SOST: variants seen among roughly 807,000 people sequenced by gnomAD.
SOST encodes the protein sclerosteosis.
In SOST, 14 loss-of-function variants were observed where a neutral mutation model predicts 16.7. That is an observed-to-expected ratio of 0.84 (90% CI 0.55 to 1.31). SOST has a LOEUF of 1.31. SOST is among the 50% of genes most tolerant of loss of function. The pLI is 0.00. For missense variants in SOST, 291 were observed against 310.7 expected, an observed-to-expected ratio of 0.94 and a Z score of 0.48; for synonymous variants, 150 against 140.9, an observed-to-expected ratio of 1.06 and a Z score of -0.46.
In SOST at chr17:43,755,080, GC is replaced by G. The variant is rs1393466839; in HGVS notation, c.*261del. The G allele has an allele frequency of 2.2e-6, 1 of 459,286 alleles. No individual in the cohort carries two copies. Among genetic ancestry groups the G allele is most frequent in the East Asian group, 3.6e-5 (1 of 27,656 alleles). 28.5% of individuals were successfully genotyped at this position (459,286 alleles called of 1,614,324 possible). On this transcript the variant is annotated 3_prime_UTR_variant, in exon 2 of 2. Coordinates refer to ENST00000301691, the MANE Select transcript of SOST (RefSeq NM_025237.3). The surrounding 1 kb of genome is among the most constrained non-coding windows in gnomAD (Gnocchi z 4.3). Reference sequence around the variant, plus strand: ...GAAGTGGGACCAGCAAAGGTAGGCGGCCCCAGAGGCGGGGCTGCGTGGCTCA... The same window carrying G: ...GAAGTGGGACCAGCAAAGGTAGGCGGCCCAGAGGCGGGGCTGCGTGGCTCA...
rs201150181 is a variant in SOST, at chr17:43,758,640, C to G, written c.102G>C (p.Thr34=). The stretch of plus-strand genomic sequence containing the variant: ...ACTCTCCGAGCTCGGGGATGATTTC[C>G]GTGGCATCATTCTTGAACGCCTGCC... ...QGWQAFKNDA[T]EIIPELGEYP... Residue 34 remains threonine, a synonymous_variant, in exon 1 of 2, where the codon ACG becomes ACC. Transcript: ENST00000301691. The G allele has an allele frequency of 1.2e-6, 2 of 1,614,136 alleles. No homozygotes were observed. The highest frequency in any genetic ancestry group is 1.7e-6 in the Non-Finnish European group (2 of 1,180,008).
Position 43,753,990 on chromosome 17 carries a change from A to C in SOST, c.*1352T>G, listed in dbSNP as rs1475771145. 6.7e-6 allele frequency: 1 copy of C among 149,706 alleles called. No homozygotes were observed. Among genetic ancestry groups the C allele is most frequent in the Admixed American group, 6.6e-5 (1 of 15,248 alleles). 9.3% of individuals were successfully genotyped at this position (149,706 alleles called of 1,614,324 possible). On this transcript the variant is annotated 3_prime_UTR_variant, in exon 2 of 2. Coordinates refer to ENST00000301691, the MANE Select transcript of SOST (RefSeq NM_025237.3). ...TTCATATGTCATGTGCTTCTGTTTA[A>C]AACTTTTTTTTTTTAACAATTAAAA...
intron 1 of SOST, among the ~76,000 whole-genome samples, chr17:43,757,879 G>A (rs1974147885): frequency 6.6e-6 from 1 of 152,186 alleles, no homozygotes; most frequent in Non-Finnish European, 1.5e-5. Flanking sequence ...GTGCCTCTCT[G>A]GCCTTCCTCC....
intron 1 of SOST, among the ~76,000 whole-genome samples, chr17:43,758,005 T>C (rs909398072): frequency 9.2e-5 from 14 of 152,202 alleles, no homozygotes; most frequent in Middle Eastern, 3.2e-3. Flanking sequence ...ACTGAGTGCC[T>C]GGAACCTGTT....
chr17:43,754,386 G>C lies in SOST; in HGVS notation c.*956C>G, dbSNP rs1001975810. 1 of 152,014 alleles carries C rather than the reference G, an allele frequency of 6.6e-6. No individual in the cohort carries two copies. Among genetic ancestry groups the C allele is most frequent in the African/African-American group, 2.4e-5 (1 of 41,350 alleles). The allele number at this position is 152,014 out of a possible 1,614,324, so 9.4% of individuals were successfully genotyped here. On this transcript the variant is annotated 3_prime_UTR_variant, in exon 2 of 2. Coordinates refer to ENST00000301691, the MANE Select transcript of SOST (RefSeq NM_025237.3). ...ATGCTGCTCTTTGGGAAGTTGGGGC[G>C]GATGTGATTTCTATCCCTCCCACCA...
chr17:43,758,535 G>A lies in SOST; in HGVS notation c.207C>T (p.Pro69=). The change falls in exon 1 of 2, where the codon CCC becomes CCT. Residue 69 remains proline, a synonymous_variant. Transcript: ENST00000301691. The stretch of plus-strand genomic sequence containing the variant: ...TCCACCCCATACCTTTGGTCTCAAA[G>A]GGGTGGTGGGGAGGCCGCCCTCCGT... ...AENGGRPPHH[P]FETKDVSEYS... The A allele has an allele frequency of 1.2e-6, 2 of 1,613,734 alleles. No individual in the cohort carries two copies. Among genetic ancestry groups the A allele is most frequent in the Non-Finnish European group, 1.7e-6 (2 of 1,179,774 alleles).
In SOST at chr17:43,755,617, T is replaced by G. The variant is rs1419851479; in HGVS notation, c.367A>C (p.Lys123Gln). 1 of 1,584,694 alleles carries G rather than the reference T, an allele frequency of 6.3e-7. No homozygotes were observed. Among genetic ancestry groups the G allele is most frequent in the East Asian group, 2.3e-5 (1 of 43,386 alleles). ...TCGGGCCCACTAGGTCGCCACCACT[T>G]GCCGCGGCCGATGGCGTTGGGCAGC... ...RLLPNAIGRG[K>Q]WWRPSGPDFR... The change falls in exon 2 of 2, where the codon AAG (lysine) becomes CAG (glutamine). Residue 123 changes from lysine (K) to glutamine (Q), a missense_variant. Coordinates refer to ENST00000301691, the MANE Select transcript of SOST (RefSeq NM_025237.3). This position sits in a 1 kb window ranked among gnomAD's most constrained non-coding sequence, Gnocchi z 4.3.
In SOST at chr17:43,758,689, A is replaced by T; in HGVS notation, c.53T>A (p.Phe18Tyr). 6.2e-7 allele frequency: 1 copy of T among 1,614,108 alleles called. No homozygotes were observed. The highest frequency in any genetic ancestry group is 8.5e-7 in the Non-Finnish European group (1 of 1,180,040). Residue 18 changes from phenylalanine (F) to tyrosine (Y), a missense_variant, in exon 1 of 2, where the codon TTC becomes TAC. Phe to Tyr is a conservative substitution (Grantham distance 22, BLOSUM62 3). Transcript: ENST00000301691. ...CCACCCCTGGCCCTCCACTACACGG[A>T]AGGCTGTGTGTACCAGCAGGCAGAC... ...CLVCLLVHTA[F>Y]RVVEGQGWQA...
At position 43,755,284 on chromosome 17, in the gene SOST, T is replaced by C; in HGVS notation, c.*58A>G. Reference sequence around the variant, plus strand: ...TCAAACCACGCGCAGAGGACAGAAATGTGGGGCGCGGGTTCAGGGCCGGGG... The same window carrying C: ...TCAAACCACGCGCAGAGGACAGAAACGTGGGGCGCGGGTTCAGGGCCGGGG... On this transcript the variant is annotated 3_prime_UTR_variant, in exon 2 of 2. Transcript: ENST00000301691. The surrounding 1 kb of genome is among the most constrained non-coding windows in gnomAD (Gnocchi z 4.3). 7.0e-7 allele frequency: 1 copy of C among 1,426,412 alleles called. No homozygotes were observed. Among genetic ancestry groups the C allele is most frequent in the Non-Finnish European group, 9.2e-7 (1 of 1,082,576 alleles). The allele number at this position is 1,426,412 out of a possible 1,614,324, so 88.4% of individuals were successfully genotyped here.
chr17:43,758,409 G>T, intron 1 of SOST, 113 bp downstream of exon 1: 1 of 850,492 alleles, frequency 1.2e-6, no homozygotes, highest in African/African-American at 1.7e-5. Context: ...ACCAGTGCTG[G>T]CAGAGGCCAG....
Position 43,755,434 on chromosome 17 carries a change from T to A in SOST, c.550A>T (p.Thr184Ser). The A allele has an allele frequency of 6.3e-7, 1 of 1,595,270 alleles. No homozygotes were observed. Among genetic ancestry groups the A allele is most frequent in the Admixed American group, 1.7e-5 (1 of 59,854 alleles). ...CCCTTCTGCGGCCGAGCGGCCTCGG[T>A]CCCGAAGTCCTTGAGCTCCGACTGG... ...HNQSELKDFG[T>S]EAARPQKGRK... Residue 184 changes from threonine (T) to serine (S), a missense_variant, in exon 2 of 2, where the codon ACC (threonine) becomes TCC (serine). Coordinates refer to ENST00000301691, the MANE Select transcript of SOST (RefSeq NM_025237.3). This position sits in a 1 kb window ranked among gnomAD's most constrained non-coding sequence, Gnocchi z 4.3.
Position 43,755,669 on chromosome 17 carries a change from G to T in SOST, c.315C>A (p.Cys105Ter). 1 of 1,570,378 alleles carries T rather than the reference G, an allele frequency of 6.4e-7. No individual in the cohort carries two copies. Reference protein sequence around the residue: ...RSAKPVTELVCSGQCGPARLL... With the variant: ...RSAKPVTELV ...GGCGCGCCGGGCCGCACTGGCCGGA[G>T]CACACCAGCTCGGTGACCGGCTTGG... is the stretch of plus-strand genomic sequence containing the variant. The change falls in exon 2 of 2, where the codon TGC (cysteine) becomes TGA (stop). Residue 105 changes from cysteine to a stop codon, truncating the protein, a stop_gained. Coordinates refer to ENST00000301691, the MANE Select transcript of SOST (RefSeq NM_025237.3). LOFTEE classifies it high-confidence loss of function. This position sits in a 1 kb window ranked among gnomAD's most constrained non-coding sequence, Gnocchi z 4.3.
rs184175301 is a variant in SOST at position 43,754,958 on chromosome 17, T to C, written c.*384A>G. The stretch of plus-strand genomic sequence containing the variant: ...GGCAGCGAGGTGCAAGGGGGAATCT[T>C]ATCCAACTTTCTTAACCAGTCCCTG... On this transcript the variant is annotated 3_prime_UTR_variant, in exon 2 of 2. Transcript: ENST00000301691. 8.0e-5 allele frequency: 16 copies of C among 201,150 alleles called. No individual in the cohort carries two copies. Among genetic ancestry groups the C allele is most frequent in the Non-Finnish European group, 7.8e-5 (8 of 102,104 alleles). 12.5% of individuals were successfully genotyped at this position (201,150 alleles called of 1,614,324 possible). A position where few individuals can be genotyped will look rare whatever the true frequency, so the allele number is the denominator to read the frequency against.
chr17:43,756,155 T>G (rs1974128788), intron 1 of SOST, among the ~76,000 whole-genome samples: 2 of 152,196 alleles, frequency 1.3e-5, no homozygotes, highest in African/African-American at 4.8e-5. Flanking sequence ...CTGTTATGTA[T>G]TATTATTATC....
Position 43,755,893 on chromosome 17 carries a change from A to C in SOST, c.221-130T>G. 9.2e-7 allele frequency: 1 copy of C among 1,083,750 alleles called. No homozygotes were observed. Among genetic ancestry groups the C allele is most frequent in the Non-Finnish European group, 1.3e-6 (1 of 767,004 alleles). The allele number at this position is 1,083,750 out of a possible 1,614,324, so 67.1% of individuals were successfully genotyped here. On this transcript the variant is annotated intron_variant, in intron 1 of 1. Coordinates refer to ENST00000301691, the MANE Select transcript of SOST (RefSeq NM_025237.3). This position sits in a 1 kb window ranked among gnomAD's most constrained non-coding sequence, Gnocchi z 4.3. Reference sequence around the variant, plus strand: ...CAGAGGCTTTTGCCCCTGAACATCTATTGCAGGAAGGTCCCAGATGCTCTA... The same window carrying C: ...CAGAGGCTTTTGCCCCTGAACATCTCTTGCAGGAAGGTCCCAGATGCTCTA...
chr17:43,757,919 AC>A (rs942829887), intron 1 of SOST, among the ~76,000 whole-genome samples: 1 of 151,134 alleles, frequency 6.6e-6, no homozygotes, highest in Non-Finnish European at 1.5e-5. Flanking sequence ...TGTCCCCCAC[AC>A]CCCCCCACAC....
intron 1 of SOST, among the ~76,000 whole-genome samples, chr17:43,757,135 G>T (rs184726172): frequency 4.5e-4 from 69 of 152,336 alleles, no homozygotes; most frequent in African/African-American, 1.6e-3. Flanking sequence ...GGTCAGGGGG[G>T]CATTTGCCCA....
Position 43,755,700 on chromosome 17 carries a change from C to G in SOST, c.284G>C (p.Arg95Pro). The G allele has an allele frequency of 6.4e-7, 1 of 1,564,392 alleles. No homozygotes were observed. ...FTRYVTDGPC[R>P]SAKPVTELVC... ...CAGCTCGGTGACCGGCTTGGCGCTGCGGCACGGCCCATCGGTCACGTAGCG... is the reference window on the plus strand; with the variant it reads ...CAGCTCGGTGACCGGCTTGGCGCTGGGGCACGGCCCATCGGTCACGTAGCG... Residue 95 changes from arginine to proline, a missense_variant, in exon 2 of 2, where the codon CGC becomes CCC. Transcript: ENST00000301691. This position sits in a 1 kb window ranked among gnomAD's most constrained non-coding sequence, Gnocchi z 4.3.
In SOST at chr17:43,755,636, G is replaced by T. The variant is rs911517040; in HGVS notation, c.348C>A (p.Pro116=). 1.6e-5 allele frequency: 26 copies of T among 1,578,444 alleles called. No individual in the cohort carries two copies. The highest frequency in any genetic ancestry group is 2.2e-5 in the Non-Finnish European group (26 of 1,169,330). The change falls in exon 2 of 2, where the codon CCC becomes CCA. Residue 116 remains proline (P), a synonymous_variant. Coordinates refer to ENST00000301691, the MANE Select transcript of SOST (RefSeq NM_025237.3). The surrounding 1 kb of genome is among the most constrained non-coding windows in gnomAD (Gnocchi z 4.3). The stretch of plus-strand genomic sequence containing the variant: ...ACCACTTGCCGCGGCCGATGGCGTT[G>T]GGCAGCAGGCGCGCCGGGCCGCACT... The part of the protein sequence containing the change: ...SGQCGPARLL[P]NAIGRGKWWR...
Sources: gnomAD v4.1 joint callset for allele counts (sites outside exome capture counted in the v4.1 genomes callset) on GRCh38, gnomAD v4.1.1 for gene constraint, Gnocchi (gnomAD v3.1) non-coding constraint, MANE v1.5 for transcripts, NCBI Gene and HGNC (gene_info 2026-07-23, HGNC 2026-07-21) for gene names.